Variants in TTN observed in about 807,000 individuals in gnomAD.
The protein encoded by TTN is connectin.
TTN carries 1,525 observed loss-of-function variants against 3,223.0 expected under a neutral mutation model. That is an observed-to-expected ratio of 0.47 (90% CI 0.45 to 0.49). The LOEUF (loss-of-function observed/expected upper bound fraction) is 0.49, where lower values mean the gene tolerates loss of function less well. Among genes scored for constraint, TTN ranks in the 20% least tolerant of loss-of-function variants. The probability of loss-of-function intolerance (pLI) is 0.00; values close to 1 mark genes in which losing one functional copy is unlikely to be tolerated. For synonymous variants in TTN, 14,094 were observed against 15,161.0 expected, an observed-to-expected ratio of 0.93 and a Z score of 5.17; for missense variants, 40,786 against 43,424.0, an observed-to-expected ratio of 0.94 and a Z score of 5.40.
chr2:178,556,165 C>T (rs1044171176), intron 330 of TTN: 1 of 152,442 alleles, frequency 6.6e-6, no homozygotes, highest in African/African-American at 2.4e-5. Flanking sequence ...CATGGTGGCT[C>T]ACACCTGTAA....
rs540133480 is a variant in TTN, at chr2:178,636,521, C to T, written c.41206G>A (p.Ala13736Thr). Residue 13736 changes from alanine to threonine, a missense_variant, in exon 225 of 363, where the codon GCA becomes ACA. By Grantham distance (58) the Ala-to-Thr change is moderately conservative. Transcript: ENST00000589042. This position sits in a 1 kb window ranked among gnomAD's most constrained non-coding sequence, Gnocchi z 4.3. ...IRESPKHRFI[A>T]DGKDRKLHII... ...TGCAGCTTTCTGTCTTTACCATCTG[C>T]AATAAACCTGTGCTTGGGACTCTCA... The T allele has an allele frequency of 3.1e-6, 5 of 1,613,356 alleles. No homozygotes were observed. The highest frequency in any genetic ancestry group is 1.3e-5 in the African/African-American group (1 of 74,900).
Position 178,620,401 on chromosome 2 carries a change from T to C in TTN, c.46120A>G (p.Thr15374Ala), listed in dbSNP as rs1313103090. Reference protein sequence around the residue: ...GFPDEGEYIVTAGQDKSVAEL... With the variant: ...GFPDEGEYIVAAGQDKSVAEL... Reference sequence around the variant, plus strand: ...GCAACAGATTTATCTTGTCCAGCAGTGACAATGTATTCACCTTCATCTGGG... The same window carrying C: ...GCAACAGATTTATCTTGTCCAGCAGCGACAATGTATTCACCTTCATCTGGG... The change falls in exon 248 of 363, where the codon ACT (threonine) becomes GCT (alanine). Residue 15374 changes from threonine (T) to alanine (A), a missense_variant. Physicochemically the swap from Thr to Ala is moderately conservative, Grantham distance 58. Coordinates refer to ENST00000589042, the MANE Select transcript of TTN (RefSeq NM_001267550.2). 6.2e-7 allele frequency: 1 copy of C among 1,612,152 alleles called. No homozygotes were observed. The highest frequency in any genetic ancestry group is 8.5e-7 in the Non-Finnish European group (1 of 1,178,920).
At chr2:178,672,808 G>C in intron 152 of TTN, 105 bp from the exon 153 acceptor site, 1 of 919,598 alleles carries the variant, frequency 1.1e-6, no homozygotes, top group Non-Finnish European at 1.6e-6. Flanking sequence ...AAGTTTTTCA[G>C]AAGTCACTCT....
In TTN at chr2:178,592,247, A is replaced by T. The variant is rs755949982; in HGVS notation, c.59657T>A (p.Val19886Asp). The T allele has an allele frequency of 6.2e-7, 1 of 1,611,862 alleles. No individual in the cohort carries two copies. The highest frequency in any genetic ancestry group is 8.5e-7 in the Non-Finnish European group (1 of 1,179,000). Residue 19886 changes from valine to aspartate, a missense_variant, in exon 302 of 363, where the codon GTC becomes GAC. Val to Asp is a radical substitution (Grantham distance 152). Coordinates refer to ENST00000589042, the MANE Select transcript of TTN (RefSeq NM_001267550.2). The part of the protein sequence containing the change: ...DKPGPPRDLE[V>D]SEIRKDSCYL... ...ACATGAATCTTTCCTAATTTCACTG[A>T]CTTCCAGATCTCTAGGTGGCCCAGG...
Position 178,577,817 on chromosome 2 carries a change from C to G in TTN, c.68609G>C (p.Gly22870Ala). 2 of 1,611,994 alleles carry G rather than the reference C, an allele frequency of 1.2e-6. No homozygotes were observed. ...CACTATATATCCAGTTAACTTATGA[C>G]CACCGTCATATTTAGGTTCAGTCCA... ...LIWTEPKYDG[G>A]HKLTGYIVEK... Residue 22870 changes from glycine (G) to alanine (A), a missense_variant, in exon 323 of 363, where the codon GGT becomes GCT. By Grantham distance (60) the Gly-to-Ala change is moderately conservative. Transcript: ENST00000589042.
Position 178,552,545 on chromosome 2 carries a change from G to T in TTN, c.90355C>A (p.Pro30119Thr), listed in dbSNP as rs1183493843. 1.9e-6 allele frequency: 3 copies of T among 1,613,594 alleles called. No individual in the cohort carries two copies. The South Asian group carries it at 3.3e-5, about 18-fold the overall frequency. ...ATAATAAGTTCTTTCACTGTAATTG[G>T]CCCAATAGTGACAGGATCACTCAGT... ...KGLSDPVTIGPITVKELIITP... is the reference protein window; with the variant it reads ...KGLSDPVTIGTITVKELIITP... Residue 30119 changes from proline to threonine, a missense_variant, in exon 335 of 363, where the codon CCA becomes ACA. Transcript: ENST00000589042.
At chr2:178,633,355 C>T (rs755077659) in intron 232 of TTN, 29 bp from the exon 233 acceptor site, 2 of 1,613,010 alleles carry the variant, frequency 1.2e-6, no homozygotes. Flanking sequence ...GTTAGCATGA[C>T]TGAACTAATA....
chr2:178,564,505 C>A lies in TTN; in HGVS notation c.81627G>T (p.Lys27209Asn). 1 of 1,612,328 alleles carries A rather than the reference C, an allele frequency of 6.2e-7. No individual in the cohort carries two copies. Among genetic ancestry groups the A allele is most frequent in the Non-Finnish European group, 8.5e-7 (1 of 1,179,108 alleles). Reference protein sequence around the residue: ...GSKITGYIVEKKDLPDGRWMK... With the variant: ...GSKITGYIVENKDLPDGRWMK... ...TCCAGCGGCCATCAGGTAGATCTTT[C>A]TTTTCTACAATATAACCTGTTATTT... is the stretch of plus-strand genomic sequence containing the variant. The change falls in exon 326 of 363, where the codon AAG becomes AAT. Residue 27209 changes from lysine to asparagine, a missense_variant. Lys to Asn is a moderately conservative substitution (Grantham distance 94, BLOSUM62 0). Transcript: ENST00000589042.
rs774274447 is a variant in TTN at position 178,653,280 on chromosome 2, G to T, written c.38749C>A (p.Pro12917Thr). The change falls in exon 198 of 363, where the codon CCC becomes ACC. Residue 12917 changes from proline (P) to threonine (T), a missense_variant. Pro to Thr is a conservative substitution (Grantham distance 38). Coordinates refer to ENST00000589042, the MANE Select transcript of TTN (RefSeq NM_001267550.2). ...PKEVVLEKKV[P>T]LAPPKKPEVP... ...TCAGGCTTTTTAGGAGGAGCCAAGG[G>T]CACTTTCTTTTCAAGGACAACTTCT... The T allele has an allele frequency of 6.2e-6, 10 of 1,612,202 alleles. No individual in the cohort carries two copies. The highest frequency in any genetic ancestry group is 8.5e-6 in the Non-Finnish European group (10 of 1,179,496).
chr2:178,611,872 C>T lies in TTN; in HGVS notation c.50437G>A (p.Val16813Ile). Residue 16813 changes from valine (V) to isoleucine (I), a missense_variant, in exon 268 of 363, where the codon GTA becomes ATA. Val to Ile is a conservative substitution (Grantham distance 29). Coordinates refer to ENST00000589042, the MANE Select transcript of TTN (RefSeq NM_001267550.2). ...KTAGPDCNFR[V>I]TDVIEGTEVQ... Reference sequence around the variant, plus strand: ...TCTGTTCCTTCGATGACATCAGTTACTCTGAAGTTACAGTCAGGTCCTGCA... The same window carrying T: ...TCTGTTCCTTCGATGACATCAGTTATTCTGAAGTTACAGTCAGGTCCTGCA... 1.2e-6 allele frequency: 2 copies of T among 1,612,922 alleles called. No homozygotes were observed. The highest frequency in any genetic ancestry group is 8.5e-7 in the Non-Finnish European group (1 of 1,179,286).
At chr2:178,723,765 CATT>C (rs1279554638) in intron 73 of TTN, 69 bp from the exon 74 acceptor site, 5 of 1,532,112 alleles carry the variant, frequency 3.3e-6, no homozygotes, top group Non-Finnish European at 4.4e-6. Context: ...TTGAATAAAA[CATT>C]AGAGCACTTT....
rs72677243 is a variant in TTN, at chr2:178,614,561, A to G, written c.48953T>C (p.Ile16318Thr). 1,656 of 1,612,356 alleles carry G rather than the reference A, an allele frequency of 1.0e-3. 8 individuals carry two copies. The highest frequency in any genetic ancestry group is 1.7e-3 in the Middle Eastern group (10 of 6,048). Residue 16318 changes from isoleucine to threonine, a missense_variant, in exon 261 of 363, where the codon ATT becomes ACT. Coordinates refer to ENST00000589042, the MANE Select transcript of TTN (RefSeq NM_001267550.2). ...AGTGTCACTTCTCTTACTATCAACA[A>G]TAGTCACTGTGGATTTCTTAGGGAC... ...ENVPKKSTVT[I>T]VDSKRSDTGT...
chr2:178,560,425 A>G lies in TTN; in HGVS notation c.85707T>C (p.Leu28569=). The G allele has an allele frequency of 1.9e-6, 3 of 1,613,650 alleles. No individual in the cohort carries two copies. The African/African-American group carries it at 4.0e-5, about 22-fold the overall frequency. The change falls in exon 326 of 363, where the codon CTT becomes CTC. Residue 28569 remains leucine (L), a synonymous_variant. Transcript: ENST00000589042. ...ITSVTKESMT[L]CWSRPESDGG... is the part of the protein sequence containing the mutation. The stretch of plus-strand genomic sequence containing the variant: ...CATCACTCTCGGGTCTTGACCAGCA[A>G]AGTGTCATAGATTCTTTGGTCACAG...
Position 178,740,504 on chromosome 2 carries a change from G to A in TTN, c.12729C>T (p.Asp4243=), listed in dbSNP as rs1391640782. 4 of 1,613,598 alleles carry A rather than the reference G, an allele frequency of 2.5e-6. No homozygotes were observed. Among genetic ancestry groups the A allele is most frequent in the Non-Finnish European group, 3.4e-6 (4 of 1,179,826 alleles). The part of the protein sequence containing the change: ...VLSPKEKTVS[D]TNREQRVTLQ... ...GAGTCACTCTTTGCTCTCTGTTGGT[G>A]TCAGATACTGTCTTTTCTTTTGGTG... Residue 4243 remains aspartate (D), a synonymous_variant, in exon 48 of 363, where the codon GAC becomes GAT. Coordinates refer to ENST00000589042, the MANE Select transcript of TTN (RefSeq NM_001267550.2).
chr2:178,640,428 T>A, intron 221 of TTN, 113 bp downstream of exon 221: 1 of 972,800 alleles, frequency 1.0e-6, no homozygotes, highest in Admixed American at 2.4e-5. Flanking sequence ...TTAAGCCATA[T>A]GTGATTAACA....
chr2:178,533,695 T>C lies in TTN; in HGVS notation c.102920A>G (p.Tyr34307Cys). The change falls in exon 358 of 363, where the codon TAC becomes TGC. Residue 34307 changes from tyrosine to cysteine, a missense_variant. Tyr to Cys is a radical substitution (Grantham distance 194). Coordinates refer to ENST00000589042, the MANE Select transcript of TTN (RefSeq NM_001267550.2). Reference sequence around the variant, plus strand: ...AAGACCCTTGTCTGACTCAAATGTGTACTTCTTGTCATTGTCACCTGGTTT... The same window carrying C: ...AAGACCCTTGTCTGACTCAAATGTGCACTTCTTGTCATTGTCACCTGGTTT... ...KIKPGDNDKK[Y>C]TFESDKGLYQ... 6.2e-7 allele frequency: 1 copy of C among 1,613,948 alleles called. No individual in the cohort carries two copies. The highest frequency in any genetic ancestry group is 1.3e-5 in the African/African-American group (1 of 75,060).
rs765740687 is a variant in TTN at position 178,790,070 on chromosome 2, C to A, written c.1846G>T (p.Ala616Ser). ...TCTTGTTCTTTGACTTTGGGTGTGG[C>A]AACTATGACTTTAGGTACAACTGTT... ...RKTVVPKVIVATPKVKEQDLV... is the reference protein window; with the variant it reads ...RKTVVPKVIVSTPKVKEQDLV... Residue 616 changes from alanine to serine, a missense_variant, in exon 12 of 363, where the codon GCC becomes TCC. By Grantham distance (99) the Ala-to-Ser change is moderately conservative (BLOSUM62 1). Transcript: ENST00000589042. 9.9e-6 allele frequency: 16 copies of A among 1,612,976 alleles called. No homozygotes were observed. The South Asian group carries it at 1.6e-4, about 17-fold the overall frequency.
rs1348393968 is a variant in TTN at position 178,565,167 on chromosome 2, A to T, written c.80965T>A (p.Phe26989Ile). The change falls in exon 326 of 363, where the codon TTT becomes ATT. Residue 26989 changes from phenylalanine to isoleucine, a missense_variant. By Grantham distance (21) the Phe-to-Ile change is conservative. Transcript: ENST00000589042. ...PVRFDEVSAD[F>I]VVISWEPPAY... Reference sequence around the variant, plus strand: ...GGAGGTTCCCAAGATATGACTACAAAGTCTGCACTAACTTCATCAAACCGA... The same window carrying T: ...GGAGGTTCCCAAGATATGACTACAATGTCTGCACTAACTTCATCAAACCGA... The T allele has an allele frequency of 3.1e-6, 5 of 1,613,444 alleles. No homozygotes were observed. Among genetic ancestry groups the T allele is most frequent in the Non-Finnish European group, 4.2e-6 (5 of 1,179,590 alleles).
Position 178,565,190 on chromosome 2 carries a change from C to A in TTN, c.80942G>T (p.Arg26981Leu). The A allele has an allele frequency of 1.2e-6, 2 of 1,613,488 alleles. No homozygotes were observed. Among genetic ancestry groups the A allele is most frequent in the Non-Finnish European group, 8.5e-7 (1 of 1,179,646 alleles). Reference sequence around the variant, plus strand: ...AAAGTCTGCACTAACTTCATCAAACCGAACTGGGCCAACTGGAGGTCCAGG... The same window carrying A: ...AAAGTCTGCACTAACTTCATCAAACAGAACTGGGCCAACTGGAGGTCCAGG... ...EKPGPPVGPV[R>L]FDEVSADFVV... Residue 26981 changes from arginine (R) to leucine (L), a missense_variant, in exon 326 of 363, where the codon CGG becomes CTG. By Grantham distance (102) the Arg-to-Leu change is moderately radical (BLOSUM62 -2). Coordinates refer to ENST00000589042, the MANE Select transcript of TTN (RefSeq NM_001267550.2).
Sources: gnomAD v4.1 joint callset for allele counts on GRCh38, gnomAD v4.1.1 for gene constraint, Gnocchi (gnomAD v3.1) non-coding constraint, MANE v1.5 for transcripts, NCBI Gene and HGNC (gene_info 2026-07-23, HGNC 2026-07-21) for gene names.